The following PAPPA2 variants were observed in gnomAD, a reference collection of about 807,000 sequenced individuals.
The protein encoded by PAPPA2 is pappalysin-2.
Under a neutral mutation model 176.4 loss-of-function variants are expected in PAPPA2, and 86 were observed. The ratio of observed to expected loss-of-function variants is 0.49; its 90% CI spans 0.41 to 0.58. PAPPA2 has a LOEUF of 0.58. PAPPA2 is among the 20% of genes least tolerant of loss of function. The pLI, the probability that PAPPA2 is intolerant of heterozygous loss-of-function variation, is 0.00. For synonymous variants in PAPPA2, 809 were observed against 852.2 expected, an observed-to-expected ratio of 0.95 and a Z score of 0.88; for missense variants, 2,073 against 2,256.9, an observed-to-expected ratio of 0.92 and a Z score of 1.65.
chr1:176,802,742 G>C (rs1420105897), intron 21 of PAPPA2, among the ~76,000 whole-genome samples: 1 of 152,194 alleles, frequency 6.6e-6, no homozygotes, highest in African/African-American at 2.4e-5. Flanking sequence ...GCCCAAGGCA[G>C]TAAATCCACC....
At chr1:176,810,527 G>C (rs1251241657) in intron 21 of PAPPA2, among the ~76,000 whole-genome samples, 1 of 152,148 alleles carries the variant, frequency 6.6e-6, no homozygotes, top group Non-Finnish European at 1.5e-5. Context: ...GCTCCTATGA[G>C]AATCTAATGC....
chr1:176,814,911 GCT>G (rs1414782306), intron 21 of PAPPA2, among the ~76,000 whole-genome samples: 1 of 152,124 alleles, frequency 6.6e-6, no homozygotes, highest in Non-Finnish European at 1.5e-5. Flanking sequence ...TATGATGTTG[GCT>G]GTGGGTTTGT....
intron 1 of PAPPA2, among the ~76,000 whole-genome samples, chr1:176,487,459 C>T (rs1422424079): frequency 1.3e-5 from 2 of 152,196 alleles, no homozygotes; most frequent in Non-Finnish European, 2.9e-5. Flanking sequence ...TACTCAGAAT[C>T]CAACTGGGAA....
At chr1:176,531,628 T>G (rs76686488) in intron 1 of PAPPA2, among the ~76,000 whole-genome samples, 1,523 of 152,214 alleles carry the variant, frequency 0.01, 27 homozygotes, top group African/African-American at 0.036. Flanking sequence ...TGGTTTCCTT[T>G]CTAGCATTTG....
intron 12 of PAPPA2, among the ~76,000 whole-genome samples, chr1:176,720,952 A>C (rs1351906480): frequency 6.6e-6 from 1 of 152,182 alleles, no homozygotes; most frequent in Non-Finnish European, 1.5e-5. Context: ...AAGAGGAAGA[A>C]AGAAAAGTCT....
intron 14 of PAPPA2, among the ~76,000 whole-genome samples, chr1:176,758,293 C>G (rs996766628): frequency 6.6e-6 from 1 of 152,204 alleles, no homozygotes; most frequent in African/African-American, 2.4e-5. Flanking sequence ...TAACATTTAA[C>G]CTGGTTCCTG....
chr1:176,471,093 C>T (rs1454675690), intron 1 of PAPPA2, among the ~76,000 whole-genome samples: 1 of 152,002 alleles, frequency 6.6e-6, no homozygotes, highest in African/African-American at 2.4e-5. Context: ...AAGAAGAACA[C>T]AGGAAGGGAA....
At chr1:176,752,350 A>AAAC (rs1663222096) in intron 14 of PAPPA2, among the ~76,000 whole-genome samples, 3 of 150,136 alleles carry the variant, frequency 2.0e-5, no homozygotes, top group Admixed American at 2.0e-4. Flanking sequence ...AATAAAAAAA[A>AAAC]AAAAAAAAAA....
chr1:176,828,785 C>T lies in PAPPA2; in HGVS notation c.5203-11388C>T, dbSNP rs927845863. Among the ~76,000 whole-genome samples the T allele has an allele frequency of 4.0e-5, 6 of 151,844 alleles. 1 individual carries two copies. In the Middle Eastern group the frequency reaches 0.01, roughly 258 times the overall value. On this transcript the variant is annotated intron_variant, in intron 21 of 22. Transcript: ENST00000367662. ...TTAGGAGGCTGAGGTGGGTGAATCA[C>T]GAGGTCAGGAGTTCGAGACCAGCCT...
chr1:176,510,159 A>G (rs1648504524), intron 1 of PAPPA2, among the ~76,000 whole-genome samples: 1 of 152,210 alleles, frequency 6.6e-6, no homozygotes, highest in Admixed American at 6.5e-5. Context: ...CAAGCAGGCT[A>G]AACACAAAGA....
At position 176,711,937 on chromosome 1, in the gene PAPPA2, C is replaced by T. The variant is rs1164296221; in HGVS notation, c.3754C>T (p.Gln1252Ter). 1.2e-6 allele frequency: 2 copies of T among 1,613,644 alleles called. No individual in the cohort carries two copies. The highest frequency in any genetic ancestry group is 3.3e-5 in the Admixed American group (2 of 59,974). ...ENETQDDRSE[Q>*]PEGSLKKEDE... Reference sequence around the variant, plus strand: ...TGAAACTCAGGATGACAGGAGTGAACAGCCAGAAGGTAGCCTGAAGAAAGA... The same window carrying T: ...TGAAACTCAGGATGACAGGAGTGAATAGCCAGAAGGTAGCCTGAAGAAAGA... Residue 1252 changes from glutamine (Q) to a stop codon, truncating the protein, a stop_gained, in exon 12 of 23, where the codon CAG becomes TAG. Coordinates refer to ENST00000367662, the MANE Select transcript of PAPPA2 (RefSeq NM_020318.3). LOFTEE classifies it high-confidence loss of function.
rs144721490 is a variant in PAPPA2 at position 176,632,649 on chromosome 1, GT to G, written c.1991+37057del. 2.4e-3 allele frequency among the ~76,000 whole-genome samples: 372 copies of G among 152,318 alleles called. 1 individual carries two copies. The highest frequency in any genetic ancestry group is 7.6e-3 in the African/African-American group (316 of 41,566). On this transcript the variant is annotated intron_variant, in intron 3 of 22. Transcript: ENST00000367662. ...CAGACCCATTTTGCTTAATAAGTAA[GT>G]TTAAGAAATAACTCTCCAAGGGAAT...
At chr1:176,645,114 TA>T (rs1657322658) in intron 3 of PAPPA2, among the ~76,000 whole-genome samples, 1 of 151,898 alleles carries the variant, frequency 6.6e-6, no homozygotes, top group Non-Finnish European at 1.5e-5. Flanking sequence ...TATTCTTTTT[TA>T]GTTATTTTGA....
At chr1:176,642,455 A>G (rs1056501705) in intron 3 of PAPPA2, among the ~76,000 whole-genome samples, 3 of 151,788 alleles carry the variant, frequency 2.0e-5, no homozygotes, top group Non-Finnish European at 4.4e-5. Context: ...TGGGTGGAAA[A>G]CTACCAGTAG....
At chr1:176,466,455 T>C (rs956919119) in intron 1 of PAPPA2, among the ~76,000 whole-genome samples, 2 of 152,164 alleles carry the variant, frequency 1.3e-5, no homozygotes, top group African/African-American at 4.8e-5. Context: ...CCTCCCTGGG[T>C]CAAGTAAGTT....
At chr1:176,695,117 G>T (rs1386517610) in intron 6 of PAPPA2, among the ~76,000 whole-genome samples, 2 of 152,182 alleles carry the variant, frequency 1.3e-5, no homozygotes, top group East Asian at 3.8e-4. Context: ...ATGGTGATCT[G>T]TTCATTGCGC....
chr1:176,726,264 TG>T (rs1661868748), intron 12 of PAPPA2, among the ~76,000 whole-genome samples: 1 of 152,172 alleles, frequency 6.6e-6, no homozygotes, highest in South Asian at 2.1e-4. Flanking sequence ...GAGCCCCAGG[TG>T]GTATAATTGA....
intron 3 of PAPPA2, among the ~76,000 whole-genome samples, chr1:176,649,863 T>C (rs1657616785): frequency 6.6e-6 from 1 of 151,636 alleles, no homozygotes; most frequent in Non-Finnish European, 1.5e-5. Context: ...TAAAAGAGTG[T>C]GTATTCTGTA....
intron 12 of PAPPA2, among the ~76,000 whole-genome samples, chr1:176,712,720 G>A (rs954396113): frequency 5.9e-5 from 9 of 152,156 alleles, no homozygotes; most frequent in African/African-American, 1.9e-4. Flanking sequence ...CTGCCAGATC[G>A]CAAGTAGGCC....
Sources: gnomAD v4.1 joint callset for allele counts (sites outside exome capture counted in the v4.1 genomes callset) on GRCh38, gnomAD v4.1.1 for gene constraint, MANE v1.5 for transcripts, NCBI Gene and HGNC (gene_info 2026-07-23, HGNC 2026-07-21) for gene names.